The following ARHGEF18 variants were observed in gnomAD, a reference collection of about 807,000 sequenced individuals.
ARHGEF18 encodes rho guanine nucleotide exchange factor 18.
ARHGEF18 carries 93 observed loss-of-function variants against 155.7 expected under a neutral mutation model. The ratio of observed to expected loss-of-function variants is 0.60; its 90% CI spans 0.50 to 0.71. ARHGEF18 has a LOEUF of 0.71. Ranked by LOEUF, ARHGEF18 falls within the 30% of genes least tolerant of loss-of-function variation. The pLI is 0.00. For missense variants in ARHGEF18, 1,593 were observed against 1,816.1 expected (o/e 0.88, Z 2.23); for synonymous variants, 742 against 753.1 (o/e 0.99, Z 0.24).
At chr19:7,385,821 CTAT>C (rs1970984611) in intron 10 of ARHGEF18, among the ~76,000 whole-genome samples, 2 of 109,354 alleles carry the variant, frequency 1.8e-5, no homozygotes, top group Admixed American at 8.8e-5. Context: ...GAGATAGGAT[CTAT>C]CTCTCTCTAT....
In ARHGEF18 at chr19:7,468,918, G is replaced by A. The variant is rs777373247; in HGVS notation, c.3574G>A (p.Ala1192Thr). 58 of 1,575,812 alleles carry A rather than the reference G, an allele frequency of 3.7e-5. No individual in the cohort carries two copies. In the Admixed American group the frequency reaches 3.8e-4, roughly 10 times the overall value. Reference sequence around the variant, plus strand: ...GCCATCCGGCGTGGGGCCAGAGTACGCAGAGCGCCCCGAGGTGGCTCGCCG... The same window carrying A: ...GCCATCCGGCGTGGGGCCAGAGTACACAGAGCGCCCCGAGGTGGCTCGCCG... ...MLPSGVGPEYAERPEVARRDS... is the reference protein window; with the variant it reads ...MLPSGVGPEYTERPEVARRDS... The change falls in exon 27 of 29, where the codon GCA becomes ACA. Residue 1192 changes from alanine (A) to threonine (T), a missense_variant. By Grantham distance (58) the Ala-to-Thr change is moderately conservative. Transcript: ENST00000668164.
intron 3 of ARHGEF18, among the ~76,000 whole-genome samples, chr19:7,374,924 G>T (rs1358114758): frequency 6.6e-6 from 1 of 152,128 alleles, no homozygotes; most frequent in Admixed American, 6.6e-5. Flanking sequence ...TAGAGGCAGG[G>T]GGTGCTCTAG....
chr19:7,403,292 A>G (rs951899033), intron 10 of ARHGEF18, among the ~76,000 whole-genome samples: 1 of 152,128 alleles, frequency 6.6e-6, no homozygotes, highest in Non-Finnish European at 1.5e-5. Context: ...TGTCACTACT[A>G]TAATTTCAGA....
chr19:7,413,631 G>A (rs1972829238), intron 10 of ARHGEF18, among the ~76,000 whole-genome samples: 1 of 152,144 alleles, frequency 6.6e-6, no homozygotes, highest in Non-Finnish European at 1.5e-5. Flanking sequence ...CCATGGTGGT[G>A]TGCACTTGTA....
chr19:7,444,574 A>C lies in ARHGEF18; in HGVS notation c.1611+120A>C. Reference sequence around the variant, plus strand: ...CGCCCAGGCTGGAGTGCAGTGGTGCAGTCACAGCTCAATGCAGCCTCAACC... The same window carrying C: ...CGCCCAGGCTGGAGTGCAGTGGTGCCGTCACAGCTCAATGCAGCCTCAACC... On this transcript the variant is annotated intron_variant, in intron 14 of 28. Transcript: ENST00000668164. The surrounding 1 kb of genome is among the most constrained non-coding windows in gnomAD (Gnocchi z 4.7). The C allele has an allele frequency of 7.2e-7, 1 of 1,388,392 alleles. No individual in the cohort carries two copies. The highest frequency in any genetic ancestry group is 9.6e-7 in the Non-Finnish European group (1 of 1,038,480). 86.0% of individuals were successfully genotyped at this position (1,388,392 alleles called of 1,614,324 possible). A position where few individuals can be genotyped will look rare whatever the true frequency, so the allele number is the denominator to read the frequency against.
rs901069604 is a variant in ARHGEF18, at chr19:7,374,372, C to T, written c.275+1301C>T. On this transcript the variant is annotated intron_variant, in intron 3 of 28. Coordinates refer to ENST00000668164, the MANE Select transcript of ARHGEF18 (RefSeq NM_001367823.1). ...AAGTGACCGAGCATGCATGCACAAG[C>T]CCAAACTGAAAACTGCATGTGAGGC... is the stretch of plus-strand genomic sequence containing the variant. Among the ~76,000 whole-genome samples, 6 of 152,124 alleles carry T rather than the reference C, an allele frequency of 3.9e-5. No homozygotes were observed. The South Asian group carries it at 1.0e-3, about 26-fold the overall frequency.
intron 7 of ARHGEF18, 118 bp downstream of exon 7, chr19:7,379,284 T>G (rs919705072): frequency 1.1e-6 from 1 of 892,544 alleles, no homozygotes; most frequent in Non-Finnish European, 1.4e-6. Flanking sequence ...GAGGGCTGGG[T>G]ACAGTGGCTC....
chr19:7,366,958 C>T lies in ARHGEF18; in HGVS notation c.15+4053C>T, dbSNP rs559904978. 4.6e-5 allele frequency among the ~76,000 whole-genome samples: 7 copies of T among 151,588 alleles called. No homozygotes were observed. In the East Asian group the frequency reaches 7.8e-4, roughly 17 times the overall value. ...TTTTTTTTTTTTAAAGATGGGATTT[C>T]GCTATGCTGCCCGGGCTGGTCTCAA... On this transcript the variant is annotated intron_variant, in intron 2 of 28. Coordinates refer to ENST00000668164, the MANE Select transcript of ARHGEF18 (RefSeq NM_001367823.1).
rs1303119354 is a variant in ARHGEF18 at position 7,467,425 on chromosome 19, G to A, written c.3221G>A (p.Arg1074His). The A allele has an allele frequency of 6.5e-7, 1 of 1,531,656 alleles. No individual in the cohort carries two copies. Among genetic ancestry groups the A allele is most frequent in the Non-Finnish European group, 8.7e-7 (1 of 1,145,196 alleles). 94.9% of individuals were successfully genotyped at this position (1,531,656 alleles called of 1,614,324 possible). A position where few individuals can be genotyped will look rare whatever the true frequency, so the allele number is the denominator to read the frequency against. The change falls in exon 26 of 29, where the codon CGC (arginine) becomes CAC (histidine). Residue 1074 changes from arginine (R) to histidine (H), a missense_variant. Arg to His is a conservative substitution (Grantham distance 29). Coordinates refer to ENST00000668164, the MANE Select transcript of ARHGEF18 (RefSeq NM_001367823.1). ...RHEQQRWERE[R>H]QWQHQELERA... ...GAGCAGCAGCGCTGGGAGCGCGAGCGCCAGTGGCAGCACCAGGAGCTGGAG... is the reference window on the plus strand; with the variant it reads ...GAGCAGCAGCGCTGGGAGCGCGAGCACCAGTGGCAGCACCAGGAGCTGGAG...
At chr19:7,375,284 AGAAAGAAAAGAAAG>A (rs1970387043) in intron 3 of ARHGEF18, among the ~76,000 whole-genome samples, 2 of 134,994 alleles carry the variant, frequency 1.5e-5, no homozygotes, top group Admixed American at 7.5e-5. Context: ...AAAAAAAAAA[AGAAAGAAAAGAAAG>A]AAAGAAAAGA....
intron 1 of ARHGEF18, among the ~76,000 whole-genome samples, chr19:7,350,767 GGTGT>G (rs71177199): frequency 0.069 from 1,337 of 19,364 alleles, 8 homozygotes; most frequent in South Asian, 0.15. Flanking sequence ...TTTTGGGGTG[GGTGT>G]GTGTGTGTGT....
chr19:7,395,101 T>G lies in ARHGEF18; in HGVS notation c.967+11898T>G, dbSNP rs779337628. ...CCCGCCTCCGAGGCGGGATCGCGCA[T>G]GCGCTGCTCTCCTCGCGCGGCTTCC... On this transcript the variant is annotated intron_variant, in intron 10 of 28. Coordinates refer to ENST00000668164, the MANE Select transcript of ARHGEF18 (RefSeq NM_001367823.1). The surrounding 1 kb of genome is among the most constrained non-coding windows in gnomAD (Gnocchi z 5.0). The G allele has an allele frequency of 1.9e-4, 183 of 985,356 alleles. No individual in the cohort carries two copies. Among genetic ancestry groups the G allele is most frequent in the Non-Finnish European group, 2.1e-4 (174 of 829,960 alleles). 61.0% of individuals were successfully genotyped at this position (985,356 alleles called of 1,614,324 possible). A position where few individuals can be genotyped will look rare whatever the true frequency, so the allele number is the denominator to read the frequency against.
intron 2 of ARHGEF18, among the ~76,000 whole-genome samples, chr19:7,368,172 G>A (rs1343272978): frequency 6.6e-6 from 1 of 151,892 alleles, no homozygotes; most frequent in Non-Finnish European, 1.5e-5. Context: ...CAGACAACAA[G>A]ATCAATAACT....
At chr19:7,363,541 GAA>G (rs1182308877) in intron 2 of ARHGEF18, among the ~76,000 whole-genome samples, 2 of 151,536 alleles carry the variant, frequency 1.3e-5, no homozygotes, top group South Asian at 4.2e-4. Context: ...AGAAAGATGA[GAA>G]ATGTGGGTGG....
At chr19:7,380,559 C>T (rs1471910840) in intron 7 of ARHGEF18, among the ~76,000 whole-genome samples, 3 of 151,896 alleles carry the variant, frequency 2.0e-5, no homozygotes, top group Non-Finnish European at 2.9e-5. Context: ...TGGCACATGC[C>T]TATAGTCCCA....
chr19:7,386,876 C>T (rs564602387), intron 10 of ARHGEF18, among the ~76,000 whole-genome samples: 5 of 152,150 alleles, frequency 3.3e-5, no homozygotes, highest in Admixed American at 1.3e-4. Context: ...ATTGCTGCTT[C>T]GGATCCCTTC....
chr19:7,470,426 C>A lies in ARHGEF18; in HGVS notation c.*128C>A. 1.0e-6 allele frequency: 1 copy of A among 967,190 alleles called. No homozygotes were observed. The highest frequency in any genetic ancestry group is 1.4e-6 in the Non-Finnish European group (1 of 740,312). The allele number at this position is 967,190 out of a possible 1,614,324, so 59.9% of individuals were successfully genotyped here. A position where few individuals can be genotyped will look rare whatever the true frequency, so the allele number is the denominator to read the frequency against. ...CTCTTCCCTAGCAAACCACTGATGA[C>A]CGCCTGGCAGGGGCCAGCCTGTCGG... is the stretch of plus-strand genomic sequence containing the variant. On this transcript the variant is annotated 3_prime_UTR_variant, in exon 29 of 29. Coordinates refer to ENST00000668164, the MANE Select transcript of ARHGEF18 (RefSeq NM_001367823.1). This position sits in a 1 kb window ranked among gnomAD's most constrained non-coding sequence, Gnocchi z 5.9.
At chr19:7,353,458 C>T (rs749585941) in intron 1 of ARHGEF18, among the ~76,000 whole-genome samples, 17 of 151,424 alleles carry the variant, frequency 1.1e-4, no homozygotes, top group Non-Finnish European at 2.2e-4. Context: ...GGCATGGTAG[C>T]GGGCGCCTGT....
chr19:7,354,709 T>G (rs1046066387), intron 1 of ARHGEF18, among the ~76,000 whole-genome samples: 2 of 144,290 alleles, frequency 1.4e-5, no homozygotes, highest in Non-Finnish European at 3.2e-5. Flanking sequence ...GAGACCAGCC[T>G]GGGCAACATA....
Sources: gnomAD v4.1 joint callset for allele counts (sites outside exome capture counted in the v4.1 genomes callset) on GRCh38, gnomAD v4.1.1 for gene constraint, Gnocchi (gnomAD v3.1) non-coding constraint, MANE v1.5 for transcripts, NCBI Gene and HGNC (gene_info 2026-07-23, HGNC 2026-07-21) for gene names.